The following ERC1 variants were observed in gnomAD, a reference collection of about 807,000 sequenced individuals.
ERC1 encodes RAB6 interacting protein 2.
ERC1 carries 56 observed loss-of-function variants against 132.0 expected under a neutral mutation model. The ratio of observed to expected loss-of-function variants is 0.42; its 90% CI spans 0.34 to 0.53. The LOEUF is 0.53. Among genes scored for constraint, ERC1 ranks in the 20% least tolerant of loss-of-function variants. The pLI, the probability that ERC1 is intolerant of heterozygous loss-of-function variation, is 0.03. For missense variants in ERC1, 1,202 were observed against 1,349.9 expected (o/e 0.89, Z 1.72); for synonymous variants, 478 against 476.1 (o/e 1.00, Z -0.05).
intron 18 of ERC1, among the ~76,000 whole-genome samples, chr12:1,478,801 AG>A: frequency 7.1e-6 from 1 of 140,078 alleles, no homozygotes; most frequent in African/African-American, 2.8e-5. Flanking sequence ...TAAAAAAAAG[AG>A]AGAGAGAGAG....
chr12:1,004,089 C>T (rs1425113183), intron 1 of ERC1, among the ~76,000 whole-genome samples: 1 of 152,154 alleles, frequency 6.6e-6, no homozygotes, highest in East Asian at 1.9e-4. Context: ...AGGCCTTCCA[C>T]CATCTCCTGT....
At chr12:1,354,475 A>T (rs1285611620) in intron 15 of ERC1, among the ~76,000 whole-genome samples, 1 of 151,730 alleles carries the variant, frequency 6.6e-6, no homozygotes, top group African/African-American at 2.4e-5. Flanking sequence ...GTGAGCCGAG[A>T]TTGCCCCGTT....
chr12:1,341,787 A>G (rs1749464978), intron 15 of ERC1, among the ~76,000 whole-genome samples: 1 of 152,182 alleles, frequency 6.6e-6, no homozygotes, highest in African/African-American at 2.4e-5. Flanking sequence ...TTGTGTACAC[A>G]TACCCTAGAA....
intron 2 of ERC1, among the ~76,000 whole-genome samples, chr12:1,071,907 C>T (rs991051432): frequency 2.6e-5 from 4 of 152,148 alleles, no homozygotes; most frequent in African/African-American, 9.6e-5. Flanking sequence ...TTGAGACCAG[C>T]CTGGCCAACA....
chr12:1,208,226 T>C (rs1957520947), intron 12 of ERC1, among the ~76,000 whole-genome samples: 1 of 152,184 alleles, frequency 6.6e-6, no homozygotes, highest in Admixed American at 6.5e-5. Context: ...CTTCACACTT[T>C]CCTTTCCTCT....
intron 13 of ERC1, among the ~76,000 whole-genome samples, chr12:1,246,251 G>A (rs1464783405): frequency 6.6e-6 from 1 of 152,012 alleles, no homozygotes; most frequent in Non-Finnish European, 1.5e-5. Flanking sequence ...TTGCCTATAG[G>A]TGGGAGAGTG....
In ERC1 at chr12:1,227,293, T is replaced by C. The variant is rs538628976; in HGVS notation, c.2352-9476T>C. Among the ~76,000 whole-genome samples the C allele has an allele frequency of 7.2e-5, 11 of 152,318 alleles. No individual in the cohort carries two copies. The South Asian group carries it at 2.3e-3, about 32-fold the overall frequency. On this transcript the variant is annotated intron_variant, in intron 12 of 18. Coordinates refer to ENST00000360905, the MANE Select transcript of ERC1 (RefSeq NM_178040.4). ...TTCTCCACATCCTTGCCAATACTTG[T>C]TATCTTTTGTCTTTTTCATAGTATC... is the stretch of plus-strand genomic sequence containing the variant.
chr12:1,311,351 C>G (rs1448849386), intron 15 of ERC1, among the ~76,000 whole-genome samples: 1 of 143,504 alleles, frequency 7.0e-6, no homozygotes, highest in African/African-American at 2.6e-5. Flanking sequence ...TTGTTTTTGT[C>G]AAACTTCAGT....
intron 15 of ERC1, among the ~76,000 whole-genome samples, chr12:1,344,918 C>T (rs969778974): frequency 7.2e-5 from 11 of 152,092 alleles, no homozygotes; most frequent in African/African-American, 2.7e-4. Context: ...TATTTTAGTG[C>T]TCCTTCAGTC....
chr12:1,186,852 A>G (rs1201900110), intron 11 of ERC1, among the ~76,000 whole-genome samples: 3 of 152,126 alleles, frequency 2.0e-5, no homozygotes, highest in Non-Finnish European at 2.9e-5. Context: ...TTTTTTTGTG[A>G]CAGAGTCTCA....
At chr12:1,095,301 A>ATGCC (rs1222583854) in intron 3 of ERC1, among the ~76,000 whole-genome samples, 6 of 150,942 alleles carry the variant, frequency 4.0e-5, no homozygotes, top group African/African-American at 1.2e-4. Flanking sequence ...ATGGTGGTGC[A>ATGCC]TGCCTGCGGT....
At chr12:1,482,408 G>C (rs926090791) in intron 18 of ERC1, among the ~76,000 whole-genome samples, 2 of 150,650 alleles carry the variant, frequency 1.3e-5, no homozygotes, top group African/African-American at 4.9e-5. Context: ...GTTTTGCATA[G>C]AGCACTCAGT....
rs899314711 is a variant in ERC1 at position 1,489,102 on chromosome 12, G to T, written c.3214-991G>T. On this transcript the variant is annotated intron_variant, in intron 18 of 18. Transcript: ENST00000360905. ...CGTGCTCAGTCTGGCCCTCGCGTGT[G>T]TTTTCAGCTCCATTTCCTGTCATTC... Among the ~76,000 whole-genome samples, 18 of 152,196 alleles carry T rather than the reference G, an allele frequency of 1.2e-4. 1 individual carries two copies. The highest frequency in any genetic ancestry group is 4.3e-4 in the African/African-American group (18 of 41,444).
intron 15 of ERC1, among the ~76,000 whole-genome samples, chr12:1,361,933 C>T (rs554246625): frequency 4.6e-5 from 7 of 152,134 alleles, no homozygotes; most frequent in Non-Finnish European, 8.8e-5. Context: ...ATTGGAAAAG[C>T]ACCTGGATTC....
At chr12:1,391,471 C>CT (rs34996223) in intron 16 of ERC1, 45,118 of 152,628 alleles carry the variant, frequency 0.3, 6,874 homozygotes, top group Middle Eastern at 0.35. Context: ...AGTGAAGGTC[C>CT]GACTCCACCA....
chr12:1,322,310 A>T (rs2082169487), intron 15 of ERC1, among the ~76,000 whole-genome samples: 2 of 152,118 alleles, frequency 1.3e-5, no homozygotes, highest in Non-Finnish European at 2.9e-5. Flanking sequence ...CTTCCTTTCC[A>T]TTCTCTTAGG....
rs558607911 is a variant in ERC1, at chr12:1,379,571, T to G, written c.2925+7594T>G. Among the ~76,000 whole-genome samples, 120 of 152,346 alleles carry G rather than the reference T, an allele frequency of 7.9e-4. 1 individual carries two copies. The highest frequency in any genetic ancestry group is 2.8e-3 in the African/African-American group (115 of 41,576). Reference sequence around the variant, plus strand: ...CAGTTATGCCAAAATCTATTAGTTATCTACTACTGCATAAAAATTACCCTT... The same window carrying G: ...CAGTTATGCCAAAATCTATTAGTTAGCTACTACTGCATAAAAATTACCCTT... On this transcript the variant is annotated intron_variant, in intron 16 of 18. Coordinates refer to ENST00000360905, the MANE Select transcript of ERC1 (RefSeq NM_178040.4).
intron 15 of ERC1, among the ~76,000 whole-genome samples, chr12:1,366,622 G>T (rs2086684372): frequency 1.3e-5 from 2 of 152,174 alleles, no homozygotes; most frequent in South Asian, 4.1e-4. Context: ...ATTTGCTATG[G>T]CAAGAGACCT....
chr12:1,040,406 A>G (rs933650343), intron 2 of ERC1, among the ~76,000 whole-genome samples: 6 of 144,902 alleles, frequency 4.1e-5, no homozygotes, highest in African/African-American at 1.5e-4. Context: ...TCCCGAGTTC[A>G]TGTCATTCTC....
Sources: gnomAD v4.1 joint callset for allele counts (sites outside exome capture counted in the v4.1 genomes callset) on GRCh38, gnomAD v4.1.1 for gene constraint, MANE v1.5 for transcripts, NCBI Gene and HGNC (gene_info 2026-07-23, HGNC 2026-07-21) for gene names.